The following THSD4 variants were observed in gnomAD, a reference collection of about 807,000 sequenced individuals.
The protein encoded by THSD4 is thrombospondin type 1 domain containing 4.
THSD4 carries 69 observed loss-of-function variants against 119.0 expected under a neutral mutation model. The ratio of observed to expected loss-of-function variants is 0.58; its 90% CI spans 0.48 to 0.71. THSD4 has a LOEUF of 0.71. THSD4 is among the 30% of genes least tolerant of loss of function. THSD4 has a pLI of 0.00. For synonymous variants in THSD4, 524 were observed against 540.4 expected (o/e 0.97, Z 0.42); for missense variants, 1,393 against 1,391.1 (o/e 1.00, Z -0.02).
intron 6 of THSD4, among the ~76,000 whole-genome samples, chr15:71,348,873 A>T (rs2045704792): frequency 6.6e-6 from 1 of 152,228 alleles, no homozygotes; most frequent in Non-Finnish European, 1.5e-5. Context: ...CTCCAGAGGA[A>T]CCCTGGTAAA....
In THSD4 at chr15:71,682,936, T is replaced by G. The variant is rs1396252410; in HGVS notation, c.1357+22202T>G. On this transcript the variant is annotated intron_variant, in intron 8 of 17. Transcript: ENST00000261862. Reference sequence around the variant, plus strand: ...CTTCTTCTTCTTTTTTTTTTTTTTTTTTTGAGTCGAGGTCTCACTCTTTGC... The same window carrying G: ...CTTCTTCTTCTTTTTTTTTTTTTTTGTTTGAGTCGAGGTCTCACTCTTTGC... Among the ~76,000 whole-genome samples the G allele has an allele frequency of 8.0e-5, 11 of 138,136 alleles. 1 individual carries two copies. Among genetic ancestry groups the G allele is most frequent in the African/African-American group, 2.8e-4 (10 of 35,698 alleles). The allele number at this position is 138,136 out of a possible 152,430, so 90.6% of individuals were successfully genotyped here.
Position 71,737,962 on chromosome 15 carries a change from T to TG in THSD4, c.1863dup (p.Lys622GlufsTer30). 6.2e-7 allele frequency: 1 copy of TG among 1,613,930 alleles called. No individual in the cohort carries two copies. The highest frequency in any genetic ancestry group is 8.5e-7 in the Non-Finnish European group (1 of 1,179,876). On this transcript the variant is annotated frameshift_variant, in exon 11 of 18. Coordinates refer to ENST00000261862, the MANE Select transcript of THSD4 (RefSeq NM_024817.3). LOFTEE classifies it high-confidence loss of function. ...CCCACGGCGCAGCCGGGATCACAAC[T>TG]GGAAGCAGCTTGGGACAACAGAATG...
At chr15:71,382,600 C>A (rs1408596230) in intron 6 of THSD4, among the ~76,000 whole-genome samples, 1 of 152,056 alleles carries the variant, frequency 6.6e-6, no homozygotes, top group Non-Finnish European at 1.5e-5. Context: ...ATCCTCATGC[C>A]TTTCTTATAA....
chr15:71,569,721 C>T (rs371349578), intron 7 of THSD4, among the ~76,000 whole-genome samples: 277 of 152,308 alleles, frequency 1.8e-3, no homozygotes, highest in Non-Finnish European at 3.0e-3. Flanking sequence ...AGGCTGGGTG[C>T]GGTAGCTTAG....
intron 7 of THSD4, among the ~76,000 whole-genome samples, chr15:71,425,665 C>T (rs1462411920): frequency 6.6e-6 from 1 of 152,204 alleles, no homozygotes; most frequent in African/African-American, 2.4e-5. Context: ...GAGTGCCTTG[C>T]TGTGTCCAGT....
rs543582428 is a variant in THSD4 at position 71,443,284 on chromosome 15, C to A, written c.1152+31461C>A. ...TTAGGGAGATTGGCCTAGGCTCTCC[C>A]CTTCTCTGGCCTCCCTGGGTTGCTC... On this transcript the variant is annotated intron_variant, in intron 7 of 17. Transcript: ENST00000261862. Among the ~76,000 whole-genome samples the A allele has an allele frequency of 4.1e-4, 62 of 152,268 alleles. 1 individual carries two copies. The South Asian group carries it at 0.012, about 30-fold the overall frequency.
At chr15:71,724,552 T>C (rs1018690611) in intron 8 of THSD4, among the ~76,000 whole-genome samples, 1 of 144,950 alleles carries the variant, frequency 6.9e-6, no homozygotes, top group African/African-American at 2.5e-5. Context: ...CCCAAAGTGC[T>C]GGGATTACAG....
intron 7 of THSD4, among the ~76,000 whole-genome samples, chr15:71,526,001 A>T (rs974411131): frequency 6.6e-6 from 1 of 152,218 alleles, no homozygotes; most frequent in African/African-American, 2.4e-5. Context: ...CAAGGAAATA[A>T]GAACCGACCC....
rs1349973094 is a variant in THSD4, at chr15:71,702,166, C to A, written c.1358-26383C>A. ...CTCTTCCTGCTGCTCAGAATTCTTC[C>A]TTGAGGGCAGGCCTCGTCCAGGGGC... On this transcript the variant is annotated intron_variant, in intron 8 of 17. Coordinates refer to ENST00000261862, the MANE Select transcript of THSD4 (RefSeq NM_024817.3). Among the ~76,000 whole-genome samples the A allele has an allele frequency of 2.0e-5, 3 of 152,238 alleles. No individual in the cohort carries two copies. In the South Asian group the frequency reaches 6.2e-4, roughly 32 times the overall value.
chr15:71,672,847 C>G (rs1388768336), intron 8 of THSD4, among the ~76,000 whole-genome samples: 2 of 152,160 alleles, frequency 1.3e-5, no homozygotes, highest in African/African-American at 4.8e-5. Context: ...CCAACTTGAT[C>G]TTAGAGGATA....
chr15:71,125,394 TTC>T (rs1433901580), intron 1 of THSD4, among the ~76,000 whole-genome samples: 1 of 152,214 alleles, frequency 6.6e-6, no homozygotes, highest in Non-Finnish European at 1.5e-5. Context: ...CTTTTCCCTT[TTC>T]TTTCCTCCTC....
chr15:71,775,961 A>G (rs997896206), intron 17 of THSD4, among the ~76,000 whole-genome samples: 2 of 152,190 alleles, frequency 1.3e-5, no homozygotes, highest in African/African-American at 4.8e-5. Flanking sequence ...GAAAAGATGA[A>G]CAATTCAATA....
intron 11 of THSD4, among the ~76,000 whole-genome samples, chr15:71,742,084 A>G (rs559710054): frequency 1.3e-4 from 20 of 152,220 alleles, no homozygotes; most frequent in Non-Finnish European, 2.6e-4. Context: ...GCATTGTCCA[A>G]GTCACTTATG....
rs999716980 is a variant in THSD4, at chr15:71,103,775, GA to G, written c.-80+6780del. 2.7e-3 allele frequency among the ~76,000 whole-genome samples: 383 copies of G among 143,638 alleles called. 1 individual carries two copies. Among genetic ancestry groups the G allele is most frequent in the African/African-American group, 4.4e-3 (172 of 39,310 alleles). The allele number at this position is 143,638 out of a possible 152,430, so 94.2% of individuals were successfully genotyped here. A position where few individuals can be genotyped will look rare whatever the true frequency, so the allele number is the denominator to read the frequency against. On this transcript the variant is annotated intron_variant, in intron 1 of 17. Transcript: ENST00000355327. ...CCTGTGGGCTGAGGCTGGAAAGAAG[GA>G]AAAAAAAAAACACCAGGAGTTCCCC...
intron 6 of THSD4, among the ~76,000 whole-genome samples, chr15:71,380,860 C>T (rs528383772): frequency 1.3e-5 from 2 of 152,236 alleles, no homozygotes; most frequent in East Asian, 1.9e-4. Context: ...TAGCTGCTTC[C>T]GTAAGCATAT....
At chr15:71,719,414 T>G (rs1224737686) in intron 8 of THSD4, among the ~76,000 whole-genome samples, 1 of 152,248 alleles carries the variant, frequency 6.6e-6, no homozygotes, top group African/African-American at 2.4e-5. Context: ...ATTTGGACAT[T>G]ACATCAAACT....
intron 7 of THSD4, among the ~76,000 whole-genome samples, chr15:71,415,427 T>TATACATGAG (rs1337075879): frequency 1.3e-5 from 2 of 152,248 alleles, no homozygotes; most frequent in Admixed American, 1.3e-4. Context: ...GCACATAATA[T>TATACATGAG]ATATTTATAG....
chr15:71,220,146 T>C (rs564068327), intron 4 of THSD4, among the ~76,000 whole-genome samples: 56 of 152,206 alleles, frequency 3.7e-4, no homozygotes, highest in African/African-American at 1.3e-3. Context: ...ACTTTGGTGG[T>C]GGAGAAGGGC....
At chr15:71,383,831 A>C (rs2046258442) in intron 6 of THSD4, among the ~76,000 whole-genome samples, 1 of 152,230 alleles carries the variant, frequency 6.6e-6, no homozygotes, top group African/African-American at 2.4e-5. Flanking sequence ...AGGTATTATA[A>C]GTAATGTAGA....
Sources: gnomAD v4.1 joint callset for allele counts (sites outside exome capture counted in the v4.1 genomes callset) on GRCh38, gnomAD v4.1.1 for gene constraint, MANE v1.5 for transcripts, NCBI Gene and HGNC (gene_info 2026-07-23, HGNC 2026-07-21) for gene names.